SGIP1: variants seen among roughly 807,000 people sequenced by gnomAD.
SGIP1 encodes SH3-containing GRB2-like protein 3-interacting protein 1.
In SGIP1, 38 loss-of-function variants were observed where a neutral mutation model predicts 107.5. The observed-to-expected ratio is 0.35, with a 90% CI of 0.27 to 0.46. The LOEUF (loss-of-function observed/expected upper bound fraction) is 0.46, where lower values mean the gene tolerates loss of function less well. Ranked by LOEUF, SGIP1 falls within the 20% of genes least tolerant of loss-of-function variation. SGIP1 has a pLI of 1.00. For missense variants in SGIP1, 929 were observed against 1,019.5 expected (o/e 0.91, Z 1.21); for synonymous variants, 365 against 366.1 (o/e 1.00, Z 0.03).
intron 1 of SGIP1, among the ~76,000 whole-genome samples, chr1:66,612,477 C>G (rs970918401): frequency 1.3e-5 from 2 of 152,204 alleles, no homozygotes; most frequent in African/African-American, 4.8e-5. Flanking sequence ...AAAGACCTTA[C>G]CATTTGAAAT....
intron 1 of SGIP1, among the ~76,000 whole-genome samples, chr1:66,534,880 G>A (rs1419724168): frequency 6.6e-6 from 1 of 152,136 alleles, no homozygotes; most frequent in Admixed American, 6.5e-5. Flanking sequence ...GGGATGGGGA[G>A]GGCAGCAAAT....
intron 17 of SGIP1, chr1:66,690,529 T>C (rs2089586533): frequency 1.7e-6 from 1 of 588,166 alleles, no homozygotes; most frequent in East Asian, 3.0e-5. Flanking sequence ...CATTAACACC[T>C]GTGTTTTGCA....
chr1:66,609,266 T>A (rs1315934274), intron 1 of SGIP1, among the ~76,000 whole-genome samples: 1 of 152,188 alleles, frequency 6.6e-6, no homozygotes, highest in Non-Finnish European at 1.5e-5. Flanking sequence ...TAAGTGAAAT[T>A]TGGAAGAAAG....
chr1:66,649,957 T>C (rs1571236194), intron 7 of SGIP1, among the ~76,000 whole-genome samples: 1 of 152,316 alleles, frequency 6.6e-6, no homozygotes, highest in East Asian at 1.9e-4. Flanking sequence ...ATGGGGTGAC[T>C]CCCATACCTA....
chr1:66,695,342 G>A (rs2090700455), intron 17 of SGIP1, 92 bp from the exon 18 acceptor site: 1 of 1,602,924 alleles, frequency 6.2e-7, no homozygotes, highest in African/African-American at 1.4e-5. Flanking sequence ...TCCCTATAGT[G>A]AGATTAATGA....
chr1:66,622,508 C>T (rs760843450), intron 1 of SGIP1, among the ~76,000 whole-genome samples: 1 of 152,166 alleles, frequency 6.6e-6, no homozygotes, highest in Non-Finnish European at 1.5e-5. Context: ...AACATTATAA[C>T]CGGGCTGCCT....
intron 1 of SGIP1, among the ~76,000 whole-genome samples, chr1:66,587,149 C>T (rs959635399): frequency 3.3e-5 from 5 of 152,006 alleles, no homozygotes; most frequent in Non-Finnish European, 7.4e-5. Context: ...TTCAGAATTT[C>T]AATCACAGCA....
At position 66,719,335 on chromosome 1, in the gene SGIP1, GAC is replaced by G; in HGVS notation, c.1675_1676del (p.Thr559SerfsTer26). ...CAGCCCCCTAACCATGGGAGCTCAGGACACTCTCCCTGTTGCAGCAGCATTTA... is the reference window on the plus strand; with the variant it reads ...CAGCCCCCTAACCATGGGAGCTCAGGACTCTCCCTGTTGCAGCAGCATTTA... ...GPSPLTMGAQ[D>X]TLPVAAAFTE... On this transcript the variant is annotated frameshift_variant, in exon 19 of 25. Coordinates refer to ENST00000371037, the MANE Select transcript of SGIP1 (RefSeq NM_032291.4). LOFTEE classifies it high-confidence loss of function. 1 of 1,613,464 alleles carries G rather than the reference GAC, an allele frequency of 6.2e-7. No individual in the cohort carries two copies. The highest frequency in any genetic ancestry group is 8.5e-7 in the Non-Finnish European group (1 of 1,179,676).
At chr1:66,569,151 T>C (rs953477633) in intron 1 of SGIP1, among the ~76,000 whole-genome samples, 1 of 151,964 alleles carries the variant, frequency 6.6e-6, no homozygotes, top group African/African-American at 2.4e-5. Context: ...ATGGTGAAAC[T>C]TGAGAATGAG....
chr1:66,634,044 G>A, intron 3 of SGIP1: 1 of 1,534,986 alleles, frequency 6.5e-7, no homozygotes, highest in Non-Finnish European at 8.9e-7. Context: ...AAATTGATCA[G>A]ACATTGGGTA....
At chr1:66,726,210 C>A (rs896131955) in intron 19 of SGIP1, among the ~76,000 whole-genome samples, 1 of 152,156 alleles carries the variant, frequency 6.6e-6, no homozygotes, top group African/African-American at 2.4e-5. Context: ...TGAAGGAAAA[C>A]CCCTTTCTCC....
At chr1:66,597,331 A>G (rs1174635026) in intron 1 of SGIP1, among the ~76,000 whole-genome samples, 2 of 152,220 alleles carry the variant, frequency 1.3e-5, no homozygotes, top group African/African-American at 4.8e-5. Flanking sequence ...TATAACAGAA[A>G]ACTGTTTATC....
chr1:66,722,711 T>TAC (rs2093597287), intron 19 of SGIP1, among the ~76,000 whole-genome samples: 1 of 152,174 alleles, frequency 6.6e-6, no homozygotes, highest in East Asian at 1.9e-4. Context: ...TATTAACGTA[T>TAC]TTTTTAATTC....
intron 1 of SGIP1, among the ~76,000 whole-genome samples, chr1:66,618,564 G>T (rs1364282399): frequency 6.6e-6 from 1 of 152,178 alleles, no homozygotes; most frequent in Non-Finnish European, 1.5e-5. Context: ...CAACATCTTG[G>T]TCTTGTTACT....
intron 7 of SGIP1, among the ~76,000 whole-genome samples, chr1:66,650,926 T>C (rs1268527906): frequency 3.3e-5 from 5 of 152,160 alleles, no homozygotes; most frequent in Non-Finnish European, 7.3e-5. Context: ...AGAACTAAGT[T>C]TGCATTCTGA....
chr1:66,740,837 A>T (rs991683837), intron 23 of SGIP1, 115 bp downstream of exon 23: 22 of 676,074 alleles, frequency 3.3e-5, no homozygotes, highest in Non-Finnish European at 5.0e-5. Context: ...ATTTCACTCC[A>T]TTTTTGCGTT....
Position 66,677,008 on chromosome 1 carries a change from T to C in SGIP1, c.651T>C (p.Leu217=). The C allele has an allele frequency of 1.2e-6, 2 of 1,608,010 alleles. No individual in the cohort carries two copies. ...SAFDEQKTEV[L]LDQPEIWGSG... ...AATCTTCTTTTTTGTTTCCAGTTCT[T>C]TTAGATCAGCCTGAGATATGGGGTT... Residue 217 remains leucine, a synonymous_variant, in exon 13 of 25, where the codon CTT becomes CTC. Transcript: ENST00000371037.
At position 66,743,107 on chromosome 1, in the gene SGIP1, G is replaced by A; in HGVS notation, c.*12G>A. 6.2e-7 allele frequency: 1 copy of A among 1,612,962 alleles called. No homozygotes were observed. The highest frequency in any genetic ancestry group is 1.1e-5 in the South Asian group (1 of 91,050). ...TGGCAGATAACTAATGAAATCTTAT[G>A]CAAGGATTTGGAGGATTCATATAAT... On this transcript the variant is annotated 3_prime_UTR_variant, in exon 25 of 25. Coordinates refer to ENST00000371037, the MANE Select transcript of SGIP1 (RefSeq NM_032291.4).
At chr1:66,584,442 C>T (rs988965266) in intron 1 of SGIP1, among the ~76,000 whole-genome samples, 1 of 152,068 alleles carries the variant, frequency 6.6e-6, no homozygotes, top group Non-Finnish European at 1.5e-5. Flanking sequence ...CTTCTGTAGC[C>T]CCTGTTAAAA....
Sources: gnomAD v4.1 joint callset for allele counts (sites outside exome capture counted in the v4.1 genomes callset) on GRCh38, gnomAD v4.1.1 for gene constraint, MANE v1.5 for transcripts, NCBI Gene and HGNC (gene_info 2026-07-23, HGNC 2026-07-21) for gene names.